The following LRRC27 variants were observed in gnomAD, a reference collection of about 807,000 sequenced individuals.
LRRC27 encodes leucine rich repeat containing 27.
LRRC27 carries 57 observed loss-of-function variants against 55.0 expected under a neutral mutation model. That is an observed-to-expected ratio of 1.04 (90% confidence interval 0.84 to 1.29). The LOEUF (loss-of-function observed/expected upper bound fraction) is 1.29. Ranked by LOEUF, LRRC27 falls within the 50% of genes most tolerant of loss-of-function variation. The probability of loss-of-function intolerance (pLI) is 0.00; values close to 1 mark genes in which losing one functional copy is unlikely to be tolerated. For synonymous variants in LRRC27, 278 were observed against 251.9 expected (o/e 1.10, Z -0.98); for missense variants, 721 against 651.5 (o/e 1.11, Z -1.16).
intron 9 of LRRC27, among the ~76,000 whole-genome samples, chr10:132,364,029 C>T (rs1204003052): frequency 6.6e-6 from 1 of 151,976 alleles, no homozygotes; most frequent in Non-Finnish European, 1.5e-5. Flanking sequence ...CATATTTGGC[C>T]TTTAAAAAGC....
intron 10 of LRRC27, among the ~76,000 whole-genome samples, chr10:132,369,982 G>A (rs1228080144): frequency 6.6e-6 from 1 of 152,152 alleles, no homozygotes; most frequent in Non-Finnish European, 1.5e-5. Flanking sequence ...TCTCTCCATT[G>A]ACTTTCGTGC....
chr10:132,330,190 G>A (rs772972047), upstream of LRRC27: 5 of 482,832 alleles, frequency 1.0e-5, no homozygotes, highest in East Asian at 3.7e-5. Context: ...AAACATGCTC[G>A]TACATACAAT....
intron 3 of LRRC27, among the ~76,000 whole-genome samples, 190 bp from the exon 4 acceptor site, chr10:132,342,023 C>A (rs558491583): frequency 6.6e-6 from 1 of 152,170 alleles, no homozygotes; most frequent in Non-Finnish European, 1.5e-5. Context: ...CATGTGTCAG[C>A]GGTGCAGGGC....
chr10:132,370,763 T>G (rs577487615), intron 10 of LRRC27, among the ~76,000 whole-genome samples: 1 of 152,228 alleles, frequency 6.6e-6, no homozygotes, highest in Non-Finnish European at 1.5e-5. Flanking sequence ...GTAGGCTCAG[T>G]CCATTTCAAA....
chr10:132,359,551 G>A (rs1341568189), intron 8 of LRRC27, among the ~76,000 whole-genome samples: 1 of 152,234 alleles, frequency 6.6e-6, no homozygotes, highest in Non-Finnish European at 1.5e-5. Flanking sequence ...GGCTGGGCGG[G>A]CCTGGGGAAT....
chr10:132,336,378 C>T (rs767218196), intron 2 of LRRC27, among the ~76,000 whole-genome samples: 5 of 152,186 alleles, frequency 3.3e-5, no homozygotes, highest in African/African-American at 9.7e-5. Context: ...TTCTGGAGAC[C>T]GAGCCAGCTG....
intron 7 of LRRC27, among the ~76,000 whole-genome samples, chr10:132,353,875 G>T (rs905595249): frequency 2.0e-5 from 3 of 152,234 alleles, no homozygotes; most frequent in Non-Finnish European, 4.4e-5. Context: ...CCCTCACTGT[G>T]TGCCTCAGCA....
At chr10:132,360,557 TG>T (rs2133034215) in intron 8 of LRRC27, among the ~76,000 whole-genome samples, 1 of 152,272 alleles carries the variant, frequency 6.6e-6, no homozygotes, top group African/African-American at 2.4e-5. Flanking sequence ...AAAAGGTTGG[TG>T]GGTGGTCCCT....
rs578128665 is a variant in LRRC27 at position 132,381,366 on chromosome 10, G to A, written c.*6124G>A. ...GCCACAGACTGAAGGCTGCACTGTC[G>A]GCTTCCCTCCTTTAGAGGTTTGGGG... is the stretch of plus-strand genomic sequence containing the variant. On this transcript the variant is annotated 3_prime_UTR_variant, in exon 11 of 11. Transcript: ENST00000368614. Among the ~76,000 whole-genome samples, 3 of 152,298 alleles carry A rather than the reference G, an allele frequency of 2.0e-5. No individual in the cohort carries two copies. Among genetic ancestry groups the A allele is most frequent in the Admixed American group, 6.5e-5 (1 of 15,298 alleles).
chr10:132,350,505 C>G (rs888953404), intron 6 of LRRC27: 2 of 152,360 alleles, frequency 1.3e-5, no homozygotes, highest in African/African-American at 4.8e-5. Context: ...TGCCTGCCCT[C>G]TCTGCTCTAC....
chr10:132,335,410 T>C (rs558338659), intron 2 of LRRC27, among the ~76,000 whole-genome samples: 89 of 151,350 alleles, frequency 5.9e-4, no homozygotes, highest in Non-Finnish European at 1.0e-3. Flanking sequence ...ACTTCGCCTA[T>C]TGGTTGTTGG....
chr10:132,372,838 T>C lies in LRRC27; in HGVS notation c.1417-2228T>C, dbSNP rs1433611742. ...TCAGCCAACCAAGACAGAAGCCACCTGGGCGTACCCTAGACAGCCCCAGCC... is the reference window on the plus strand; with the variant it reads ...TCAGCCAACCAAGACAGAAGCCACCCGGGCGTACCCTAGACAGCCCCAGCC... On this transcript the variant is annotated intron_variant, in intron 10 of 10. Coordinates refer to ENST00000368614, the MANE Select transcript of LRRC27 (RefSeq NM_030626.3). This position sits in a 1 kb window ranked among gnomAD's most constrained non-coding sequence, Gnocchi z 4.0. Among the ~76,000 whole-genome samples the C allele has an allele frequency of 1.3e-5, 2 of 152,058 alleles. No homozygotes were observed. The highest frequency in any genetic ancestry group is 4.8e-5 in the African/African-American group (2 of 41,420).
rs186134419 is a variant in LRRC27 at position 132,372,496 on chromosome 10, A to G, written c.1417-2570A>G. On this transcript the variant is annotated intron_variant, in intron 10 of 10. Coordinates refer to ENST00000368614, the MANE Select transcript of LRRC27 (RefSeq NM_030626.3). This position sits in a 1 kb window ranked among gnomAD's most constrained non-coding sequence, Gnocchi z 4.0. The stretch of plus-strand genomic sequence containing the variant: ...GGCCGGAGAATCGCTTGAACCCAGG[A>G]GGCAGAGGTTGCAGTGAGCTGAGAT... Among the ~76,000 whole-genome samples the G allele has an allele frequency of 2.9e-3, 440 of 152,320 alleles. 2 individuals carry two copies. Among genetic ancestry groups the G allele is most frequent in the African/African-American group, 0.01 (429 of 41,554 alleles).
chr10:132,349,187 A>AT, intron 6 of LRRC27: 1 of 705,198 alleles, frequency 1.4e-6, no homozygotes, highest in Non-Finnish European at 2.5e-6. Context: ...CAAGGGGCAC[A>AT]TTGTCATAGC....
intron 6 of LRRC27, chr10:132,350,625 C>G (rs60354626): frequency 6.6e-6 from 1 of 152,512 alleles, no homozygotes; most frequent in Non-Finnish European, 1.5e-5. Flanking sequence ...CGTGGGGGGG[C>G]GGGCCAGCCT....
Position 132,375,182 on chromosome 10 carries a change from T to C in LRRC27, c.1533T>C (p.Pro511=). The C allele has an allele frequency of 6.2e-7, 1 of 1,614,080 alleles. No homozygotes were observed. The highest frequency in any genetic ancestry group is 8.5e-7 in the Non-Finnish European group (1 of 1,179,968). ...CGCTTGGCCTGCCGGCAGCACAGCC[T>C]CAAAATACATTTTTTAACACAAAAT... ...NLSLGLPAAQ[P]QNTFFNTKYG... Residue 511 remains proline (P), a synonymous_variant, in exon 11 of 11, where the codon CCT becomes CCC. Transcript: ENST00000368614.
In LRRC27 at chr10:132,348,116, C is replaced by T; in HGVS notation, c.686C>T (p.Ala229Val). Residue 229 changes from alanine (A) to valine (V), a missense_variant, in exon 6 of 11, where the codon GCC (alanine) becomes GTC (valine). Transcript: ENST00000368614. This position sits in a 1 kb window ranked among gnomAD's most constrained non-coding sequence, Gnocchi z 4.2. ...GAGGGGGCTGTGATGAAAGAGAAGGCCAGCTTTCTCCCACCTGTGGAAAAG... is the reference window on the plus strand; with the variant it reads ...GAGGGGGCTGTGATGAAAGAGAAGGTCAGCTTTCTCCCACCTGTGGAAAAG... ...DPEGAVMKEK[A>V]SFLPPVEKPD... is the part of the protein sequence containing the mutation. 1 of 1,614,078 alleles carries T rather than the reference C, an allele frequency of 6.2e-7. No homozygotes were observed. The highest frequency in any genetic ancestry group is 8.5e-7 in the Non-Finnish European group (1 of 1,180,042).
chr10:132,331,631 G>C, upstream of LRRC27: 1 of 1,612,848 alleles, frequency 6.2e-7, no homozygotes, highest in Non-Finnish European at 8.5e-7. Flanking sequence ...AGGCAGCGAG[G>C]ACCGCTCCAA....
At chr10:132,365,813 T>C (rs913098514) in intron 10 of LRRC27, among the ~76,000 whole-genome samples, 2 of 152,198 alleles carry the variant, frequency 1.3e-5, no homozygotes, top group African/African-American at 4.8e-5. Context: ...TGGCCAGCCT[T>C]GTCTCGAACT....
Sources: allele counts gnomAD v4.1 joint callset (sites outside exome capture counted in the v4.1 genomes callset), GRCh38; gene constraint gnomAD v4.1.1; non-coding constraint Gnocchi (gnomAD v3.1); transcripts MANE v1.5; gene names NCBI Gene and HGNC (gene_info 2026-07-23, HGNC 2026-07-21).